PTPRN2: variants seen among roughly 807,000 people sequenced by gnomAD.
PTPRN2 encodes protein tyrosine phosphatase receptor type N2.
A neutral mutation model predicts 118.8 loss-of-function variants in PTPRN2; 74 were observed. The observed-to-expected ratio is 0.62, with a 90% confidence interval of 0.52 to 0.76. PTPRN2 has a LOEUF of 0.76. Ranked by LOEUF, PTPRN2 falls within the 30% of genes least tolerant of loss-of-function variation. The probability of loss-of-function intolerance (pLI) is 0.00; values close to 1 mark genes in which losing one functional copy is unlikely to be tolerated. For synonymous variants in PTPRN2, 641 were observed against 608.0 expected (o/e 1.05, Z -0.80); for missense variants, 1,481 against 1,394.4 (o/e 1.06, Z -0.99).
At chr7:158,246,396 C>G (rs1216329111) in intron 3 of PTPRN2, among the ~76,000 whole-genome samples, 1 of 151,282 alleles carries the variant, frequency 6.6e-6, no homozygotes, top group Non-Finnish European at 1.5e-5. Context: ...AGACGCGTCT[C>G]TCTACCAAGA....
Position 158,319,547 on chromosome 7 carries a change from ACACACACACG to A in PTPRN2, c.164-2625_164-2616del. Among the ~76,000 whole-genome samples the A allele has an allele frequency of 1.7e-5, 2 of 118,920 alleles. 1 individual carries two copies. The highest frequency in any genetic ancestry group is 4.8e-4 in the East Asian group (2 of 4,136). 78.0% of individuals were successfully genotyped at this position (118,920 alleles called of 152,430 possible). On this transcript the variant is annotated intron_variant, in intron 2 of 22. Transcript: ENST00000389418. ...CTCCCTCACACACACAGCCTCCCTCACACACACACGGTCTCCCTCACACACGCACACAGCC... is the reference window on the plus strand; with the variant it reads ...CTCCCTCACACACACAGCCTCCCTCAGTCTCCCTCACACACGCACACAGCC...
At chr7:158,117,417 T>C (rs964733077) in intron 9 of PTPRN2, among the ~76,000 whole-genome samples, 1 of 152,088 alleles carries the variant, frequency 6.6e-6, no homozygotes, top group Non-Finnish European at 1.5e-5. Context: ...CTAAGGGACA[T>C]GTGGGATACC....
intron 16 of PTPRN2, among the ~76,000 whole-genome samples, chr7:157,595,740 C>T (rs1002733303): frequency 7.2e-5 from 11 of 152,178 alleles, no homozygotes; most frequent in African/African-American, 2.7e-4. Context: ...GGAAAGGTGG[C>T]ATCTCCTGAA....
chr7:158,455,288 A>G (rs1818390270), intron 2 of PTPRN2, among the ~76,000 whole-genome samples: 1 of 69,418 alleles, frequency 1.4e-5, no homozygotes, highest in Non-Finnish European at 2.8e-5. Context: ...ATCGCTCTGC[A>G]GAGAAGACAA....
chr7:158,248,135 G>A (rs1225730192), intron 3 of PTPRN2, among the ~76,000 whole-genome samples: 2 of 152,200 alleles, frequency 1.3e-5, no homozygotes, highest in African/African-American at 4.8e-5. Flanking sequence ...CCTAAAGCTG[G>A]GGCTTTGCTC....
intron 2 of PTPRN2, among the ~76,000 whole-genome samples, chr7:158,388,132 T>C (rs184823075): frequency 6.6e-6 from 1 of 152,166 alleles, no homozygotes; most frequent in African/African-American, 2.4e-5. Context: ...ACCTCTCCCC[T>C]GTGTCGGCTT....
At chr7:157,680,871 C>A (rs1370498196) in intron 13 of PTPRN2, among the ~76,000 whole-genome samples, 3 of 152,140 alleles carry the variant, frequency 2.0e-5, no homozygotes, top group Non-Finnish European at 4.4e-5. Context: ...GTCTGGATTA[C>A]AGATTCTTAT....
chr7:158,390,482 A>C (rs1002169918), intron 2 of PTPRN2, among the ~76,000 whole-genome samples: 3 of 152,186 alleles, frequency 2.0e-5, no homozygotes, highest in Non-Finnish European at 4.4e-5. Flanking sequence ...CTGCCCCAGG[A>C]CAGTCACAGC....
intron 2 of PTPRN2, among the ~76,000 whole-genome samples, chr7:158,441,075 G>A (rs549195286): frequency 2.0e-4 from 28 of 141,326 alleles, no homozygotes; most frequent in Middle Eastern, 3.6e-3. Flanking sequence ...GGTAGTGATG[G>A]TGGTGCTGGT....
At chr7:158,371,428 A>T (rs1042472140) in intron 2 of PTPRN2, among the ~76,000 whole-genome samples, 13 of 152,266 alleles carry the variant, frequency 8.5e-5, no homozygotes, top group East Asian at 1.9e-4. Context: ...GTTTTATTTG[A>T]TTAACATTTG....
At chr7:158,476,191 G>A (rs991877638) in intron 2 of PTPRN2, among the ~76,000 whole-genome samples, 1 of 152,188 alleles carries the variant, frequency 6.6e-6, no homozygotes, top group African/African-American at 2.4e-5. Flanking sequence ...TTTTTGTAGA[G>A]AAGGGGTTTC....
intron 11 of PTPRN2, among the ~76,000 whole-genome samples, chr7:157,941,093 G>A (rs1800067551): frequency 1.9e-5 from 1 of 53,170 alleles, no homozygotes; most frequent in African/African-American, 6.2e-5. Context: ...CCTCCCCCGT[G>A]ACACTGCAAA....
intron 1 of PTPRN2, among the ~76,000 whole-genome samples, chr7:158,533,873 G>A (rs539183127): frequency 1.3e-5 from 2 of 152,300 alleles, no homozygotes; most frequent in South Asian, 2.1e-4. Context: ...TCCCAAAGTC[G>A]CACGTCAGGC....
At chr7:158,458,258 G>T (rs1420712874) in intron 2 of PTPRN2, among the ~76,000 whole-genome samples, 1 of 152,146 alleles carries the variant, frequency 6.6e-6, no homozygotes, top group East Asian at 1.9e-4. Flanking sequence ...AAAGGACAAT[G>T]CTCAGACCAG....
chr7:157,814,113 G>A (rs1347007405), intron 12 of PTPRN2, among the ~76,000 whole-genome samples: 2 of 152,216 alleles, frequency 1.3e-5, no homozygotes, highest in Non-Finnish European at 2.9e-5. Flanking sequence ...GGAGCCCCTG[G>A]GGGACACGGC....
rs1802312791 is a variant in PTPRN2, at chr7:157,764,189, A to G, written c.1789-81252T>C. ...CTGTTAGTGGGTCCTCAAAAAACTA[A>G]CCACAGAATCAGCCCAGGACCCAGC... On this transcript the variant is annotated intron_variant, in intron 12 of 22. Coordinates refer to ENST00000389418, the MANE Select transcript of PTPRN2 (RefSeq NM_002847.5). This position sits in a 1 kb window ranked among gnomAD's most constrained non-coding sequence, Gnocchi z 4.5. Among the ~76,000 whole-genome samples, 1 of 152,170 alleles carries G rather than the reference A, an allele frequency of 6.6e-6. No individual in the cohort carries two copies. The highest frequency in any genetic ancestry group is 2.4e-5 in the African/African-American group (1 of 41,452).
At chr7:157,667,785 C>T (rs944105371) in intron 13 of PTPRN2, among the ~76,000 whole-genome samples, 4 of 152,248 alleles carry the variant, frequency 2.6e-5, no homozygotes, top group Admixed American at 6.5e-5. Context: ...GTAAACCCAG[C>T]GCGTCCGCAC....
chr7:158,319,609 TTG>T (rs1194947066), intron 2 of PTPRN2, among the ~76,000 whole-genome samples: 2 of 15,910 alleles, frequency 1.3e-4, no homozygotes, highest in Non-Finnish European at 1.3e-4. Context: ...ACAGCCTCCC[TTG>T]TACACACACA....
rs774584415 is a variant in PTPRN2 at position 157,719,178 on chromosome 7, C to T, written c.1789-36241G>A. Among the ~76,000 whole-genome samples the T allele has an allele frequency of 5.3e-5, 8 of 152,186 alleles. No individual in the cohort carries two copies. The South Asian group carries it at 8.3e-4, about 16-fold the overall frequency. On this transcript the variant is annotated intron_variant, in intron 12 of 22. Transcript: ENST00000389418. ...CCCATGAGAGGGTCCCTTTACAATT[C>T]GTCCAGGCTGGCCCTGGGCCCTGTG...
Sources: gnomAD v4.1 joint callset for allele counts (sites outside exome capture counted in the v4.1 genomes callset) on GRCh38, gnomAD v4.1.1 for gene constraint, Gnocchi (gnomAD v3.1) non-coding constraint, MANE v1.5 for transcripts, NCBI Gene and HGNC (gene_info 2026-07-23, HGNC 2026-07-21) for gene names.